Variants in ARHGAP10 observed in about 807,000 individuals in gnomAD.
ARHGAP10 encodes rho GTPase-activating protein 10.
Under a neutral mutation model 108.6 loss-of-function variants are expected in ARHGAP10, and 87 were observed. That is an observed-to-expected ratio of 0.80 (90% CI 0.67 to 0.96). ARHGAP10 has a LOEUF of 0.96. Ranked by LOEUF, ARHGAP10 falls within the 40% of genes least tolerant of loss-of-function variation. The pLI, the probability that ARHGAP10 is intolerant of heterozygous loss-of-function variation, is 0.00. For synonymous variants in ARHGAP10, 347 were observed against 341.1 expected (o/e 1.02, Z -0.19); for missense variants, 939 against 954.5 (o/e 0.98, Z 0.21).
intron 20 of ARHGAP10, among the ~76,000 whole-genome samples, chr4:148,053,656 C>T (rs1457511435): frequency 6.6e-6 from 1 of 152,180 alleles, no homozygotes; most frequent in Non-Finnish European, 1.5e-5. Context: ...TCTACCATCA[C>T]ATTGTCTATT....
At chr4:147,778,664 G>T (rs886855559) in intron 1 of ARHGAP10, among the ~76,000 whole-genome samples, 1 of 152,242 alleles carries the variant, frequency 6.6e-6, no homozygotes, top group East Asian at 1.9e-4. Context: ...TCCTGCCTGG[G>T]TATAGCCTTA....
intron 3 of ARHGAP10, among the ~76,000 whole-genome samples, chr4:147,827,292 A>T (rs1732749223): frequency 6.6e-6 from 1 of 152,132 alleles, no homozygotes; most frequent in African/African-American, 2.4e-5. Context: ...GAAACTTTTG[A>T]GGAAGAATAG....
chr4:147,763,771 T>TTTA (rs1553947154), intron 1 of ARHGAP10, among the ~76,000 whole-genome samples: 1 of 143,812 alleles, frequency 7.0e-6, no homozygotes, highest in Non-Finnish European at 1.5e-5. Flanking sequence ...TTTTTTTTTT[T>TTTA]AAAAACAGAG....
chr4:147,997,265 A>G (rs112468228), intron 18 of ARHGAP10, among the ~76,000 whole-genome samples: 2,737 of 152,354 alleles, frequency 0.018, 40 homozygotes, highest in South Asian at 0.042. Context: ...AAAAATGTAA[A>G]CTGTACATCA....
chr4:147,806,204 G>T (rs17023845), intron 1 of ARHGAP10, among the ~76,000 whole-genome samples: 14,939 of 151,938 alleles, frequency 0.098, 2,083 homozygotes, highest in African/African-American at 0.31. Flanking sequence ...GAGTCCAGGC[G>T]GCTTTCCAGG....
At chr4:147,958,074 G>A (rs1381976503) in intron 16 of ARHGAP10, among the ~76,000 whole-genome samples, 1 of 152,210 alleles carries the variant, frequency 6.6e-6, no homozygotes, top group Non-Finnish European at 1.5e-5. Context: ...AGACGAAAAT[G>A]TAGTTACCTG....
chr4:147,904,629 C>T (rs1347583845), intron 10 of ARHGAP10, among the ~76,000 whole-genome samples: 3 of 152,122 alleles, frequency 2.0e-5, no homozygotes, highest in Non-Finnish European at 2.9e-5. Flanking sequence ...TCCAGTCTAT[C>T]GTTGTTGGAC....
At chr4:147,770,875 G>C (rs780581981) in intron 1 of ARHGAP10, among the ~76,000 whole-genome samples, 2 of 152,214 alleles carry the variant, frequency 1.3e-5, no homozygotes, top group Non-Finnish European at 2.9e-5. Context: ...CTGGAGGCTA[G>C]AAGTCTGAGA....
rs563612040 is a variant in ARHGAP10, at chr4:147,908,929, G to A, written c.1117-803G>A. Among the ~76,000 whole-genome samples the A allele has an allele frequency of 2.0e-5, 3 of 152,220 alleles. No homozygotes were observed. In the South Asian group the frequency reaches 6.2e-4, roughly 32 times the overall value. On this transcript the variant is annotated intron_variant, in intron 11 of 22. Transcript: ENST00000336498. ...TTTTGTTATTTATCTTTGCATCTGA[G>A]CATATGATAGTGTGTTATTAACTGA...
chr4:147,955,335 A>C lies in ARHGAP10; in HGVS notation c.1411A>C (p.Met471Leu). 2 of 1,611,792 alleles carry C rather than the reference A, an allele frequency of 1.2e-6. No individual in the cohort carries two copies. Among genetic ancestry groups the C allele is most frequent in the African/African-American group, 1.3e-5 (1 of 74,952 alleles). ...ACACAGGAGTCTTCCAGAGCCTCTC[A>C]TGACCTATGAGTTACATGGAGATTT... The part of the protein sequence containing the change: ...QYLRSLPEPL[M>L]TYELHGDFIV... The change falls in exon 16 of 23, where the codon ATG becomes CTG. Residue 471 changes from methionine to leucine, a missense_variant. Met to Leu is a conservative substitution (Grantham distance 15). Coordinates refer to ENST00000336498, the MANE Select transcript of ARHGAP10 (RefSeq NM_024605.4).
chr4:147,733,482 G>T (rs1728305631), intron 1 of ARHGAP10, among the ~76,000 whole-genome samples: 1 of 152,062 alleles, frequency 6.6e-6, no homozygotes, highest in Admixed American at 6.6e-5. Flanking sequence ...AGCCTTGAGG[G>T]GCTGGGTTCT....
chr4:147,798,135 T>C (rs553044621), intron 1 of ARHGAP10, among the ~76,000 whole-genome samples: 10 of 147,746 alleles, frequency 6.8e-5, no homozygotes, highest in Non-Finnish European at 8.8e-5. Flanking sequence ...GTTTTGCTTT[T>C]ACTTTTTTTT....
intron 10 of ARHGAP10, among the ~76,000 whole-genome samples, chr4:147,906,387 G>GTA (rs1736495145): frequency 6.6e-6 from 1 of 152,158 alleles, no homozygotes; most frequent in Admixed American, 6.5e-5. Context: ...TGTTCAACAG[G>GTA]TACAGAGTTT....
At chr4:148,030,673 A>G (rs551308421) in intron 19 of ARHGAP10, among the ~76,000 whole-genome samples, 13 of 152,318 alleles carry the variant, frequency 8.5e-5, no homozygotes, top group African/African-American at 3.1e-4. Flanking sequence ...TTGAGGAAAA[A>G]GAAATGATGC....
intron 1 of ARHGAP10, among the ~76,000 whole-genome samples, chr4:147,795,121 C>T (rs1212613026): frequency 1.3e-5 from 2 of 152,150 alleles, no homozygotes; most frequent in East Asian, 3.9e-4. Context: ...CTCACTGTGT[C>T]ACCTACGCTG....
intron 18 of ARHGAP10, among the ~76,000 whole-genome samples, chr4:147,981,770 A>G (rs1455232123): frequency 6.6e-6 from 1 of 152,140 alleles, no homozygotes; most frequent in East Asian, 1.9e-4. Flanking sequence ...GAATAGTTAA[A>G]TCTTCTTGTT....
chr4:147,749,397 A>T (rs1446803746), intron 1 of ARHGAP10, among the ~76,000 whole-genome samples: 1 of 152,238 alleles, frequency 6.6e-6, no homozygotes, highest in Non-Finnish European at 1.5e-5. Flanking sequence ...AATTTCTGAC[A>T]CTGATAGTTC....
rs146590460 is a variant in ARHGAP10 at position 147,740,809 on chromosome 4, A to G, written c.154+8354A>G. Among the ~76,000 whole-genome samples the G allele has an allele frequency of 3.9e-3, 594 of 152,292 alleles. 5 individuals carry two copies. Among genetic ancestry groups the G allele is most frequent in the African/African-American group, 0.013 (555 of 41,556 alleles). On this transcript the variant is annotated intron_variant, in intron 1 of 22. Coordinates refer to ENST00000336498, the MANE Select transcript of ARHGAP10 (RefSeq NM_024605.4). ...TGAGATACTTTAGAAATATAAAAAG[A>G]TAGTCTCACAATAAACATTCATTTA...
At chr4:148,056,551 C>T (rs971957591) in intron 20 of ARHGAP10, among the ~76,000 whole-genome samples, 1 of 151,622 alleles carries the variant, frequency 6.6e-6, no homozygotes, top group Non-Finnish European at 1.5e-5. Flanking sequence ...CTTCACTTCC[C>T]GCCCCCACCC....
Sources: gnomAD v4.1 joint callset for allele counts (sites outside exome capture counted in the v4.1 genomes callset) on GRCh38, gnomAD v4.1.1 for gene constraint, MANE v1.5 for transcripts, NCBI Gene and HGNC (gene_info 2026-07-23, HGNC 2026-07-21) for gene names.